NUDCD2: variants seen among roughly 807,000 people sequenced by gnomAD.
The protein encoded by NUDCD2 is NudC domain containing 2, also known as nudC domain-containing protein 2.
A neutral mutation model predicts 20.8 loss-of-function variants in NUDCD2; 16 were observed. That is an observed-to-expected ratio of 0.77 (90% CI 0.52 to 1.17). The LOEUF (loss-of-function observed/expected upper bound fraction) is 1.17, where lower values mean the gene tolerates loss of function less well. Ranked by LOEUF, NUDCD2 falls within the 50% of genes most tolerant of loss-of-function variation. NUDCD2 has a pLI of 0.00. For missense variants in NUDCD2, 199 were observed against 193.9 expected (o/e 1.03, Z -0.16); for synonymous variants, 87 against 72.8 (o/e 1.20, Z -1.00).
At chr5:163,458,447 T>C (rs1758380620) in intron 1 of NUDCD2, among the ~76,000 whole-genome samples, 1 of 152,120 alleles carries the variant, frequency 6.6e-6, no homozygotes, top group African/African-American at 2.4e-5. Flanking sequence ...TAAAAGAGAC[T>C]GCACCAGGCC....
At position 163,457,083 on chromosome 5, in the gene NUDCD2, A is replaced by T. The variant is rs1758335046; in HGVS notation, c.239-3T>A. 2.9e-6 allele frequency: 4 copies of T among 1,403,080 alleles called. No homozygotes were observed. Among genetic ancestry groups the T allele is most frequent in the Non-Finnish European group, 2.9e-6 (3 of 1,043,074 alleles). The allele number at this position is 1,403,080 out of a possible 1,614,324, so 86.9% of individuals were successfully genotyped here. On this transcript the variant is annotated splice_region_variant and splice_polypyrimidine_tract_variant and intron_variant, in intron 2 of 3. Coordinates refer to ENST00000302764, the MANE Select transcript of NUDCD2 (RefSeq NM_145266.6). ...AATACGAACCATTTTTCTGTCCTCTAAAAAAAAAACACACACACACACACG... is the reference window on the plus strand; with the variant it reads ...AATACGAACCATTTTTCTGTCCTCTTAAAAAAAAACACACACACACACACG...
intron 3 of NUDCD2, among the ~76,000 whole-genome samples, chr5:163,454,350 ATT>A: frequency 6.6e-6 from 1 of 151,822 alleles, no homozygotes; most frequent in South Asian, 2.1e-4. Context: ...ATTTATTATT[ATT>A]TTTTTTGAGA....
In NUDCD2 at chr5:163,453,828, A is replaced by G. The variant is rs1385760134; in HGVS notation, c.*139T>C. 3 of 438,960 alleles carry G rather than the reference A, an allele frequency of 6.8e-6. No individual in the cohort carries two copies. Among genetic ancestry groups the G allele is most frequent in the Admixed American group, 8.2e-5 (2 of 24,318 alleles). The allele number at this position is 438,960 out of a possible 1,614,324, so 27.2% of individuals were successfully genotyped here. ...TCCTATGTAAATTATGTTTGAATGCAATTTTTAGAACCATTTTAAGATACA... is the reference window on the plus strand; with the variant it reads ...TCCTATGTAAATTATGTTTGAATGCGATTTTTAGAACCATTTTAAGATACA... On this transcript the variant is annotated 3_prime_UTR_variant, in exon 4 of 4. Coordinates refer to ENST00000302764, the MANE Select transcript of NUDCD2 (RefSeq NM_145266.6).
chr5:163,454,455 C>T (rs1166859466), intron 3 of NUDCD2, among the ~76,000 whole-genome samples: 1 of 152,160 alleles, frequency 6.6e-6, no homozygotes, highest in South Asian at 2.1e-4. Flanking sequence ...GATTCTCCTG[C>T]CTAAGCCTCC....
chr5:163,447,057 AC>A lies in NUDCD2; in HGVS notation c.*6909del, dbSNP rs535559580. ...TATATTCATCAAAGTAGAGTTAGGA[AC>A]AACCAAAATTGCCAAGGATAATTAG... On this transcript the variant is annotated 3_prime_UTR_variant, in exon 4 of 4. Transcript: ENST00000302764. The A allele has an allele frequency of 1.4e-4, 21 of 152,332 alleles. No individual in the cohort carries two copies. The highest frequency in any genetic ancestry group is 1.3e-3 in the Admixed American group (20 of 15,308). 9.4% of individuals were successfully genotyped at this position (152,332 alleles called of 1,614,324 possible).
At position 163,453,357 on chromosome 5, in the gene NUDCD2, A is replaced by C. The variant is rs1424855017; in HGVS notation, c.*610T>G. The C allele has an allele frequency of 6.6e-5, 10 of 152,138 alleles. No homozygotes were observed. Among genetic ancestry groups the C allele is most frequent in the Non-Finnish European group, 1.5e-4 (10 of 68,002 alleles). The allele number at this position is 152,138 out of a possible 1,614,324, so 9.4% of individuals were successfully genotyped here. On this transcript the variant is annotated 3_prime_UTR_variant, in exon 4 of 4. Coordinates refer to ENST00000302764, the MANE Select transcript of NUDCD2 (RefSeq NM_145266.6). ...GGACTCACCTAATTACCATGATCACACTTCTCTTTTGTGTTAATCCACTTC... is the reference window on the plus strand; with the variant it reads ...GGACTCACCTAATTACCATGATCACCCTTCTCTTTTGTGTTAATCCACTTC...
Position 163,457,555 on chromosome 5 carries a change from C to A in NUDCD2, c.238+7G>T. 1 of 1,521,900 alleles carries A rather than the reference C, an allele frequency of 6.6e-7. No individual in the cohort carries two copies. The highest frequency in any genetic ancestry group is 9.1e-7 in the Non-Finnish European group (1 of 1,097,984). The allele number at this position is 1,521,900 out of a possible 1,614,324, so 94.3% of individuals were successfully genotyped here. On this transcript the variant is annotated splice_region_variant and intron_variant, in intron 2 of 3. Transcript: ENST00000302764. ...TTAATTTGATGAATTATAGTAATTA[C>A]CCTTACCCAAAGTCCATGTTCCCTC...
chr5:163,456,877 G>A, intron 3 of NUDCD2, 52 bp downstream of exon 3: 1 of 1,166,014 alleles, frequency 8.6e-7, no homozygotes. Flanking sequence ...ATATTTATTT[G>A]ATGATTTTTA....
rs1286285788 is a variant in NUDCD2 at position 163,453,636 on chromosome 5, C to G, written c.*331G>C. 5.9e-6 allele frequency: 1 copy of G among 168,414 alleles called. No individual in the cohort carries two copies. The highest frequency in any genetic ancestry group is 1.3e-5 in the Non-Finnish European group (1 of 78,866). 10.4% of individuals were successfully genotyped at this position (168,414 alleles called of 1,614,324 possible). On this transcript the variant is annotated 3_prime_UTR_variant, in exon 4 of 4. Coordinates refer to ENST00000302764, the MANE Select transcript of NUDCD2 (RefSeq NM_145266.6). ...ATCAAAAGAAAAAGTTAATTTTCCC[C>G]AAAGGCACCCTTCATTTCACATGAT...
chr5:163,458,228 G>A (rs1051125648), intron 1 of NUDCD2, among the ~76,000 whole-genome samples: 43 of 151,972 alleles, frequency 2.8e-4, no homozygotes, highest in African/African-American at 7.0e-4. Flanking sequence ...TGATCCGCCC[G>A]CCTAGGCCTT....
rs955008978 is a variant in NUDCD2 at position 163,449,352 on chromosome 5, G to C, written c.*4615C>G. The stretch of plus-strand genomic sequence containing the variant: ...ATCAAACACATTTGTACATACTAGC[G>C]ATGTGCAATTGGAAACCCATGTTTC... On this transcript the variant is annotated 3_prime_UTR_variant, in exon 4 of 4. Transcript: ENST00000302764. 6.6e-6 allele frequency: 1 copy of C among 152,158 alleles called. No individual in the cohort carries two copies. The highest frequency in any genetic ancestry group is 1.5e-5 in the Non-Finnish European group (1 of 68,028). The allele number at this position is 152,158 out of a possible 1,614,324, so 9.4% of individuals were successfully genotyped here. A position where few individuals can be genotyped will look rare whatever the true frequency, so the allele number is the denominator to read the frequency against.
rs1758044755 is a variant in NUDCD2, at chr5:163,446,648, GTTATTAT to G, written c.*7312_*7318del. The stretch of plus-strand genomic sequence containing the variant: ...TCTATACTAATAACTTTGATAAAAT[GTTATTAT>G]TTATTAAATCTATTTTTCAGAAACC... On this transcript the variant is annotated 3_prime_UTR_variant, in exon 4 of 4. Coordinates refer to ENST00000302764, the MANE Select transcript of NUDCD2 (RefSeq NM_145266.6). 1 of 152,108 alleles carries G rather than the reference GTTATTAT, an allele frequency of 6.6e-6. No individual in the cohort carries two copies. Among genetic ancestry groups the G allele is most frequent in the South Asian group, 2.1e-4 (1 of 4,828 alleles). The allele number at this position is 152,108 out of a possible 1,614,324, so 9.4% of individuals were successfully genotyped here.
intron 2 of NUDCD2, 59 bp from the exon 3 acceptor site, chr5:163,457,139 G>GTT (rs34746227): frequency 0.12 from 146,378 of 1,181,796 alleles, 2,269 homozygotes; most frequent in East Asian, 0.34. Flanking sequence ...TCATCAAGTT[G>GTT]TTTTTTTTTT....
intron 3 of NUDCD2, 42 bp downstream of exon 3, chr5:163,456,887 A>T (rs779331736): frequency 3.5e-5 from 43 of 1,225,690 alleles, no homozygotes; most frequent in Middle Eastern, 2.1e-4. Flanking sequence ...GATGATTTTT[A>T]TATATTTAAT....
intron 3 of NUDCD2, 27 bp downstream of exon 3, chr5:163,456,902 C>CAT (rs754127091): frequency 4.9e-6 from 7 of 1,432,958 alleles, no homozygotes; most frequent in Non-Finnish European, 3.8e-6. Flanking sequence ...TTTAATTACA[C>CAT]ATACTCATAC....
rs1166462670 is a variant in NUDCD2 at position 163,457,472 on chromosome 5, C to G, written c.238+90G>C. The G allele has an allele frequency of 3.7e-6, 3 of 806,334 alleles. No individual in the cohort carries two copies. The East Asian group carries it at 7.5e-5, about 20-fold the overall frequency. 49.9% of individuals were successfully genotyped at this position (806,334 alleles called of 1,614,324 possible). A position where few individuals can be genotyped will look rare whatever the true frequency, so the allele number is the denominator to read the frequency against. On this transcript the variant is annotated intron_variant, in intron 2 of 3. Transcript: ENST00000302764. ...ATTTCTATTGCTTTATCTTTCAAAG[C>G]TGCAAAGACAAAAAAGACCTAATAC...
chr5:163,447,691 G>A lies in NUDCD2; in HGVS notation c.*6276C>T, dbSNP rs1758073881. Reference sequence around the variant, plus strand: ...CAAGTACACATGGAACACTCACCAAGATAAACCACATCATGGGTCTTAAAC... The same window carrying A: ...CAAGTACACATGGAACACTCACCAAAATAAACCACATCATGGGTCTTAAAC... On this transcript the variant is annotated 3_prime_UTR_variant, in exon 4 of 4. Coordinates refer to ENST00000302764, the MANE Select transcript of NUDCD2 (RefSeq NM_145266.6). 6.6e-6 allele frequency: 1 copy of A among 152,072 alleles called. No homozygotes were observed. Among genetic ancestry groups the A allele is most frequent in the African/African-American group, 2.4e-5 (1 of 41,414 alleles). 9.4% of individuals were successfully genotyped at this position (152,072 alleles called of 1,614,324 possible).
In NUDCD2 at chr5:163,456,839, CATA is replaced by C. The variant is rs1173206242; in HGVS notation, c.390+87_390+89del. On this transcript the variant is annotated intron_variant, in intron 3 of 3. Transcript: ENST00000302764. ...CTTCTAGAAAATGTTTGTAACTTTTCATAATGACATTTGAGTTTTAATTTCAAA... is the reference window on the plus strand; with the variant it reads ...CTTCTAGAAAATGTTTGTAACTTTTCATGACATTTGAGTTTTAATTTCAAA... 6.6e-5 allele frequency: 64 copies of C among 973,668 alleles called. No individual in the cohort carries two copies. The African/African-American group carries it at 1.0e-3, about 16-fold the overall frequency. The allele number at this position is 973,668 out of a possible 1,614,324, so 60.3% of individuals were successfully genotyped here.
chr5:163,458,421 A>T (rs546710487), intron 1 of NUDCD2, among the ~76,000 whole-genome samples: 2 of 152,130 alleles, frequency 1.3e-5, no homozygotes, highest in African/African-American at 4.8e-5. Context: ...TTAAAAAAAT[A>T]AACAAAATAT....
Sources: gnomAD v4.1 joint callset for allele counts (sites outside exome capture counted in the v4.1 genomes callset) on GRCh38, gnomAD v4.1.1 for gene constraint, MANE v1.5 for transcripts, NCBI Gene and HGNC (gene_info 2026-07-23, HGNC 2026-07-21) for gene names.